Variants in TTC3 observed in about 807,000 individuals in gnomAD.
The protein encoded by TTC3 is tetratricopeptide repeat domain 3, also known as E3 ubiquitin-protein ligase TTC3.
Under a neutral mutation model 249.6 loss-of-function variants are expected in TTC3, and 180 were observed. The observed-to-expected ratio is 0.72, with a 90% CI of 0.64 to 0.82. The LOEUF is 0.82. Among genes scored for constraint, TTC3 ranks in the 40% least tolerant of loss-of-function variants. The probability of loss-of-function intolerance (pLI) is 0.00; values close to 1 mark genes in which losing one functional copy is unlikely to be tolerated. For missense variants in TTC3, 2,061 were observed against 2,398.4 expected (o/e 0.86, Z 2.94); for synonymous variants, 717 against 805.0 (o/e 0.89, Z 1.85).
At chr21:37,163,167 G>A (rs2080929375) in intron 31 of TTC3, among the ~76,000 whole-genome samples, 1 of 152,078 alleles carries the variant, frequency 6.6e-6, no homozygotes, top group Non-Finnish European at 1.5e-5. Context: ...ATCCTGCCTA[G>A]GAGGTAAGTG....
intron 36 of TTC3, 27 bp from the exon 37 acceptor site, chr21:37,185,676 AATT>A: frequency 6.9e-7 from 1 of 1,449,366 alleles, no homozygotes; most frequent in Non-Finnish European, 9.2e-7. Context: ...TTTCAAAATT[AATT>A]AATATTTGGT....
chr21:37,181,155 A>C (rs2082725006), intron 35 of TTC3, among the ~76,000 whole-genome samples: 1 of 152,208 alleles, frequency 6.6e-6, no homozygotes, highest in Non-Finnish European at 1.5e-5. Context: ...GTTAGTACAA[A>C]CAGAAGATGA....
intron 12 of TTC3, among the ~76,000 whole-genome samples, chr21:37,122,644 CTGTT>C: frequency 6.6e-6 from 1 of 151,768 alleles, no homozygotes; most frequent in Non-Finnish European, 1.5e-5. Context: ...CTGAACAGCT[CTGTT>C]TGACCGGCAG....
At chr21:37,105,829 A>G (rs1305913705) in intron 10 of TTC3, among the ~76,000 whole-genome samples, 1 of 152,218 alleles carries the variant, frequency 6.6e-6, no homozygotes, top group African/African-American at 2.4e-5. Flanking sequence ...GTGTTCATCT[A>G]TTGCATGAAT....
At chr21:37,075,727 C>T (rs545529020) in intron 1 of TTC3, among the ~76,000 whole-genome samples, 1 of 152,302 alleles carries the variant, frequency 6.6e-6, no homozygotes, top group East Asian at 1.9e-4. Context: ...TAGTCTTTAT[C>T]TCCTTTGGTT....
intron 1 of TTC3, among the ~76,000 whole-genome samples, chr21:37,078,612 G>A (rs377728725): frequency 7.8e-6 from 1 of 128,304 alleles, no homozygotes; most frequent in African/African-American, 2.8e-5. Flanking sequence ...TTAACTTATT[G>A]TTAAATAGAA....
At chr21:37,077,920 C>T (rs1027934236) in intron 1 of TTC3, among the ~76,000 whole-genome samples, 1 of 152,072 alleles carries the variant, frequency 6.6e-6, no homozygotes, top group Non-Finnish European at 1.5e-5. Flanking sequence ...CCTTTCTTGC[C>T]CTGGGCTTAT....
chr21:37,133,517 C>T (rs563611412), intron 17 of TTC3, among the ~76,000 whole-genome samples: 19 of 152,058 alleles, frequency 1.2e-4, no homozygotes, highest in Admixed American at 3.9e-4. Flanking sequence ...AGATGACAGC[C>T]TGTGAAGATG....
intron 1 of TTC3, chr21:37,086,057 A>G (rs1276477815): frequency 4.6e-5 from 7 of 152,230 alleles, no homozygotes; most frequent in Non-Finnish European, 8.8e-5. Context: ...TGCATGTAAA[A>G]CATTTGGTAC....
At position 37,165,881 on chromosome 21, in the gene TTC3, G is replaced by A. The variant is rs544495227; in HGVS notation, c.3667G>A (p.Val1223Met). The A allele has an allele frequency of 1.1e-5, 17 of 1,614,220 alleles. No homozygotes were observed. The East Asian group carries it at 3.8e-4, about 36-fold the overall frequency. ...TAAACCAGATGTAAAGTCTAAACCA[G>A]TGTCAGATTCATCTTCAGCACCAGC... Residue 1223 changes from valine to methionine, a missense_variant, in exon 33 of 46, where the codon GTG becomes ATG. This residue lies in a region of TTC3 where 1,040 missense variants were observed against 1,186.1 expected (regional missense o/e 0.88). Coordinates refer to ENST00000355666, the Ensembl canonical transcript of TTC3.
chr21:37,099,113 C>T (rs1225277783), intron 10 of TTC3: 1 of 152,080 alleles, frequency 6.6e-6, no homozygotes, highest in Non-Finnish European at 1.5e-5. Flanking sequence ...GGGTTAAAGT[C>T]TTGAATGCTA....
chr21:37,087,275 G>A (rs1227263007), exon 2 of TTC3: 2 of 1,614,030 alleles, frequency 1.2e-6, no homozygotes, highest in Non-Finnish European at 1.7e-6. Flanking sequence ...ATTTTGCTGA[G>A]GGAGATTTCA....
At chr21:37,084,009 G>T (rs912881921) in intron 1 of TTC3, 9 of 152,094 alleles carry the variant, frequency 5.9e-5, no homozygotes, top group Non-Finnish European at 1.3e-4. Flanking sequence ...TATCACTTAG[G>T]CCAAGTGAGC....
chr21:37,196,058 G>T (rs1459204056), intron 42 of TTC3, 22 bp downstream of exon 42: 3 of 1,612,154 alleles, frequency 1.9e-6, no homozygotes, highest in South Asian at 1.1e-5. Flanking sequence ...AAATGTCTGT[G>T]ACTGTGTTTA....
intron 28 of TTC3, chr21:37,157,185 G>C (rs1300544553): frequency 7.3e-7 from 1 of 1,364,400 alleles, no homozygotes; most frequent in Non-Finnish European, 9.7e-7. Flanking sequence ...TCATGGGAAA[G>C]ATTGCATGTT....
intron 15 of TTC3, among the ~76,000 whole-genome samples, chr21:37,126,657 A>T (rs981906255): frequency 6.6e-6 from 1 of 152,356 alleles, no homozygotes; most frequent in South Asian, 2.1e-4. Flanking sequence ...TGTAACAAAA[A>T]TACCATAAAC....
intron 7 of TTC3, 161 bp downstream of exon 7, chr21:37,091,574 T>A: frequency 4.8e-6 from 1 of 210,102 alleles, no homozygotes; most frequent in East Asian, 1.5e-4. Flanking sequence ...TTTTATTATT[T>A]ATTTATTTAT....
At chr21:37,188,254 C>T (rs556470682) in intron 38 of TTC3, 1 of 389,398 alleles carries the variant, frequency 2.6e-6, no homozygotes, top group African/African-American at 2.0e-5. Flanking sequence ...AAGCCATGTA[C>T]AGTTATTCAT....
At chr21:37,145,881 A>T (rs966857670) in intron 21 of TTC3, among the ~76,000 whole-genome samples, 1 of 152,184 alleles carries the variant, frequency 6.6e-6, no homozygotes, top group African/African-American at 2.4e-5. Flanking sequence ...TAATCTGTTC[A>T]TGAGAGATTC....
Sources: allele counts gnomAD v4.1 joint callset (sites outside exome capture counted in the v4.1 genomes callset), GRCh38; gene constraint gnomAD v4.1.1; regional missense constraint gnomAD v4.1.1; transcripts MANE v1.5; gene names NCBI Gene and HGNC (gene_info 2026-07-23, HGNC 2026-07-21).